The following NDUFA9 variants were observed in gnomAD, a reference collection of about 807,000 sequenced individuals.
NDUFA9 encodes NADH dehydrogenase [ubiquinone] 1 alpha subcomplex subunit 9, mitochondrial.
Under a neutral mutation model 45.9 loss-of-function variants are expected in NDUFA9, and 23 were observed. That is an observed-to-expected ratio of 0.50 (90% CI 0.36 to 0.71). The LOEUF is 0.71. NDUFA9 is among the 30% of genes least tolerant of loss of function. The probability of loss-of-function intolerance (pLI) is 0.00; values close to 1 mark genes in which losing one functional copy is unlikely to be tolerated. For synonymous variants in NDUFA9, 176 were observed against 170.5 expected, an observed-to-expected ratio of 1.03 and a Z score of -0.25; for missense variants, 466 against 488.2, an observed-to-expected ratio of 0.95 and a Z score of 0.43.
intron 6 of NDUFA9, among the ~76,000 whole-genome samples, chr12:4,667,200 G>T (rs1945858039): frequency 6.6e-6 from 1 of 152,114 alleles, no homozygotes; most frequent in Non-Finnish European, 1.5e-5. Context: ...CTAGCTGAAT[G>T]CTTCATGAAG....
chr12:4,687,018 G>A lies in NDUFA9; in HGVS notation c.1044G>A (p.Lys348=), dbSNP rs774542402. The change falls in exon 11 of 11, where the codon AAG becomes AAA. Residue 348 remains lysine (K), a synonymous_variant. Coordinates refer to ENST00000266544, the MANE Select transcript of NDUFA9 (RefSeq NM_005002.5). ...TTCAGGCAACACCACTGGAACTCAA[G>A]GCCATTGAGGTGCTGCGGCGTCATC... ...LGIQATPLEL[K]AIEVLRRHRT... 35 of 1,614,164 alleles carry A rather than the reference G, an allele frequency of 2.2e-5. No homozygotes were observed. In the South Asian group the frequency reaches 3.5e-4, roughly 16 times the overall value.
rs192218284 is a variant in NDUFA9, at chr12:4,683,563, A to T, written c.896+1263A>T. 2.9e-3 allele frequency among the ~76,000 whole-genome samples: 444 copies of T among 152,336 alleles called. 4 individuals carry two copies. Among genetic ancestry groups the T allele is most frequent in the Non-Finnish European group, 3.6e-3 (246 of 68,040 alleles). On this transcript the variant is annotated intron_variant, in intron 9 of 10. Transcript: ENST00000266544. ...AAATAGACCACTAGAATGCAGGGTG[A>T]TAACGATATTTATTGAGTGTTACAC...
chr12:4,659,881 C>T (rs1234708464), intron 5 of NDUFA9, among the ~76,000 whole-genome samples: 2 of 152,156 alleles, frequency 1.3e-5, no homozygotes, highest in Non-Finnish European at 2.9e-5. Flanking sequence ...CATTAGTTTA[C>T]TGGATAAACT....
Position 4,687,040 on chromosome 12 carries a change from C to T in NDUFA9, c.1066C>T (p.His356Tyr). 1.9e-6 allele frequency: 3 copies of T among 1,614,192 alleles called. No individual in the cohort carries two copies. In the South Asian group the frequency reaches 3.3e-5, roughly 18 times the overall value. ...ELKAIEVLRR[H>Y]RTYRWLSAEI... is the part of the protein sequence containing the mutation. ...CAAGGCCATTGAGGTGCTGCGGCGT[C>T]ATCGCACTTACCGCTGGCTGTCTGC... The change falls in exon 11 of 11, where the codon CAT (histidine) becomes TAT (tyrosine). Residue 356 changes from histidine to tyrosine, a missense_variant. Transcript: ENST00000266544.
rs148955018 is a variant in NDUFA9 at position 4,685,408 on chromosome 12, C to T, written c.963+83C>T. 12,844 of 1,290,438 alleles carry T rather than the reference C, an allele frequency of 1.0e-2. 88 individuals are homozygous for T. Among genetic ancestry groups the T allele is most frequent in the Middle Eastern group, 0.015 (68 of 4,630 alleles). 79.9% of individuals were successfully genotyped at this position (1,290,438 alleles called of 1,614,324 possible). On this transcript the variant is annotated intron_variant, in intron 10 of 10. Coordinates refer to ENST00000266544, the MANE Select transcript of NDUFA9 (RefSeq NM_005002.5). Reference sequence around the variant, plus strand: ...TTGCTTTGCCTGCTTGCTTGTTTCCCGGCCCTTGTCTGTTTGCTGTTCTTG... The same window carrying T: ...TTGCTTTGCCTGCTTGCTTGTTTCCTGGCCCTTGTCTGTTTGCTGTTCTTG...
rs151035550 is a variant in NDUFA9, at chr12:4,658,817, T to G, written c.411-219T>G. Among the ~76,000 whole-genome samples, 3 of 152,340 alleles carry G rather than the reference T, an allele frequency of 2.0e-5. No homozygotes were observed. In the East Asian group the frequency reaches 5.8e-4, roughly 29 times the overall value. On this transcript the variant is annotated intron_variant, in intron 4 of 10. Transcript: ENST00000266544. ...TTTGTGCAGGCTGGTCTTGAACTCC[T>G]GGGCTCAAATGATTCACCCGCCTTG...
intron 9 of NDUFA9, among the ~76,000 whole-genome samples, chr12:4,684,189 TG>T (rs1429832160): frequency 6.6e-6 from 1 of 152,224 alleles, no homozygotes; most frequent in African/African-American, 2.4e-5. Context: ...TATTTTTTTC[TG>T]CCGTTGAGGA....
intron 2 of NDUFA9, 100 bp downstream of exon 2, chr12:4,654,562 G>A (rs1945778321): frequency 7.5e-7 from 1 of 1,336,974 alleles, no homozygotes; most frequent in Non-Finnish European, 1.0e-6. Flanking sequence ...ACAGTATTAT[G>A]AATTACTCCT....
intron 6 of NDUFA9, among the ~76,000 whole-genome samples, chr12:4,665,744 C>G (rs1331690893): frequency 1.1e-5 from 1 of 91,000 alleles, no homozygotes; most frequent in Non-Finnish European, 2.3e-5. Context: ...TTGTTATTTT[C>G]TGTTTTTTTT....
At chr12:4,659,268 A>T in intron 5 of NDUFA9, 91 bp downstream of exon 5, 5 of 1,162,530 alleles carry the variant, frequency 4.3e-6, no homozygotes, top group Non-Finnish European at 6.1e-6. Flanking sequence ...GGTTTATCAC[A>T]GACATATGTA....
intron 6 of NDUFA9, among the ~76,000 whole-genome samples, chr12:4,662,924 C>G (rs1427547357): frequency 6.6e-6 from 1 of 152,176 alleles, no homozygotes. Flanking sequence ...TCGAATATCA[C>G]ATGGAATAGT....
rs1946028049 is a variant in NDUFA9, at chr12:4,693,426, A to T, written c.*6318A>T. On this transcript the variant is annotated 3_prime_UTR_variant, in exon 11 of 11. Coordinates refer to ENST00000266544, the MANE Select transcript of NDUFA9 (RefSeq NM_005002.5). The stretch of plus-strand genomic sequence containing the variant: ...TGCCCCACAGCTGGGATCCAAGAAG[A>T]CCCTGTGGCTGGCTACTCTTCTGTA... 6.6e-6 allele frequency: 1 copy of T among 152,148 alleles called. No homozygotes were observed. Among genetic ancestry groups the T allele is most frequent in the Admixed American group, 6.6e-5 (1 of 15,266 alleles). 9.4% of individuals were successfully genotyped at this position (152,148 alleles called of 1,614,324 possible).
At chr12:4,678,100 CAG>C (rs1945931104) in intron 8 of NDUFA9, among the ~76,000 whole-genome samples, 1 of 151,896 alleles carries the variant, frequency 6.6e-6, no homozygotes, top group Non-Finnish European at 1.5e-5. Flanking sequence ...CACATGGAAA[CAG>C]GGAGGTGAAC....
At chr12:4,665,692 C>T (rs554220881) in intron 6 of NDUFA9, among the ~76,000 whole-genome samples, 15 of 151,296 alleles carry the variant, frequency 9.9e-5, no homozygotes, top group Non-Finnish European at 2.1e-4. Context: ...TTGCCACCAA[C>T]AGTGCACAAG....
rs1946021897 is a variant in NDUFA9, at chr12:4,692,174, A to C, written c.*5066A>C. ...GATGTGGTTTGGATGTCCCCACCCA[A>C]ATCTCATGTTGCAATGTAATCTCCA... On this transcript the variant is annotated 3_prime_UTR_variant, in exon 11 of 11. Transcript: ENST00000266544. 1 of 152,154 alleles carries C rather than the reference A, an allele frequency of 6.6e-6. No homozygotes were observed. Among genetic ancestry groups the C allele is most frequent in the African/African-American group, 2.4e-5 (1 of 41,444 alleles). The allele number at this position is 152,154 out of a possible 1,614,324, so 9.4% of individuals were successfully genotyped here. A position where few individuals can be genotyped will look rare whatever the true frequency, so the allele number is the denominator to read the frequency against.
At position 4,649,125 on chromosome 12, in the gene NDUFA9, A is replaced by G. The variant is rs1338449535; in HGVS notation, c.-2A>G. The G allele has an allele frequency of 2.5e-6, 4 of 1,603,968 alleles. No individual in the cohort carries two copies. In the Admixed American group the frequency reaches 6.8e-5, roughly 27 times the overall value. Reference sequence around the variant, plus strand: ...TGCTGTCGTGGGGGATTGTGGGAAAAGATGGCGGCTGCCGCACAATCCCGG... The same window carrying G: ...TGCTGTCGTGGGGGATTGTGGGAAAGGATGGCGGCTGCCGCACAATCCCGG... On this transcript the variant is annotated 5_prime_UTR_variant, in exon 1 of 11. Coordinates refer to ENST00000266544, the MANE Select transcript of NDUFA9 (RefSeq NM_005002.5).
At position 4,691,942 on chromosome 12, in the gene NDUFA9, T is replaced by C. The variant is rs1946020879; in HGVS notation, c.*4834T>C. 1 of 152,044 alleles carries C rather than the reference T, an allele frequency of 6.6e-6. No homozygotes were observed. Among genetic ancestry groups the C allele is most frequent in the Non-Finnish European group, 1.5e-5 (1 of 68,012 alleles). The allele number at this position is 152,044 out of a possible 1,614,324, so 9.4% of individuals were successfully genotyped here. ...AAGGTGCCCACCAAAGTTAGGCACA[T>C]CCCACAGCAAGTGGGAGAAAGGAGT... On this transcript the variant is annotated 3_prime_UTR_variant, in exon 11 of 11. Transcript: ENST00000266544.
chr12:4,675,851 G>C (rs7310700), intron 8 of NDUFA9, among the ~76,000 whole-genome samples: 1 of 152,138 alleles, frequency 6.6e-6, no homozygotes, highest in East Asian at 1.9e-4. Context: ...GGCAGAGACA[G>C]CAAAAAAAGA....
In NDUFA9 at chr12:4,654,846, T is replaced by G. The variant is rs1434974660; in HGVS notation, c.242T>G (p.Ile81Ser). ...TTAGGACGCATGGGGTCACAGGTAA[T>G]CATACCCTATCGGTGTGATAAATAT... ...NHLGRMGSQV[I>S]IPYRCDKYDI... is the part of the protein sequence containing the mutation. The change falls in exon 3 of 11, where the codon ATC becomes AGC. Residue 81 changes from isoleucine (I) to serine (S), a missense_variant. Ile to Ser is a moderately radical substitution (Grantham distance 142). Transcript: ENST00000266544. The G allele has an allele frequency of 1.2e-6, 2 of 1,613,660 alleles. No homozygotes were observed. The highest frequency in any genetic ancestry group is 1.7e-6 in the Non-Finnish European group (2 of 1,179,844).
Sources: allele counts gnomAD v4.1 joint callset (sites outside exome capture counted in the v4.1 genomes callset), GRCh38; gene constraint gnomAD v4.1.1; transcripts MANE v1.5; gene names NCBI Gene and HGNC (gene_info 2026-07-23, HGNC 2026-07-21).